Variants in MLLT10 observed in about 807,000 individuals in gnomAD.
MLLT10 encodes protein AF-10.
A neutral mutation model predicts 129.1 loss-of-function variants in MLLT10; 30 were observed. The ratio of observed to expected loss-of-function variants is 0.23; its 90% CI spans 0.17 to 0.32. The LOEUF (loss-of-function observed/expected upper bound fraction) is 0.32, where lower values mean the gene tolerates loss of function less well. Among genes scored for constraint, MLLT10 ranks in the 10% least tolerant of loss-of-function variants. The pLI is 1.00. For synonymous variants in MLLT10, 490 were observed against 446.4 expected (o/e 1.10, Z -1.23); for missense variants, 1,119 against 1,268.3 (o/e 0.88, Z 1.79).
At chr10:21,560,973 C>T (rs2038728196) in intron 3 of MLLT10, among the ~76,000 whole-genome samples, 2 of 152,040 alleles carry the variant, frequency 1.3e-5, no homozygotes, top group African/African-American at 4.8e-5. Context: ...GATCCTAGAC[C>T]CAGTATCTAA....
At position 21,592,382 on chromosome 10, in the gene MLLT10, T is replaced by C. The variant is rs11812107; in HGVS notation, c.296-2949T>C. The stretch of plus-strand genomic sequence containing the variant: ...GCTTTATTTAGTTATCTAGTTTTTC[T>C]TTTGATAACTTGCCTTTTGTCTTTA... On this transcript the variant is annotated intron_variant, in intron 4 of 22. Transcript: ENST00000307729. Among the ~76,000 whole-genome samples the C allele has an allele frequency of 8.2e-3, 1,255 of 152,286 alleles. 18 individuals are homozygous for C. The highest frequency in any genetic ancestry group is 0.029 in the African/African-American group (1,199 of 41,590).
chr10:21,539,878 G>C (rs910816511), intron 3 of MLLT10, among the ~76,000 whole-genome samples: 4 of 152,092 alleles, frequency 2.6e-5, no homozygotes, highest in Non-Finnish European at 4.4e-5. Flanking sequence ...CTGGGAGGCG[G>C]AGGTTGCAGT....
intron 3 of MLLT10, among the ~76,000 whole-genome samples, chr10:21,546,161 T>G (rs1020130190): frequency 1.3e-5 from 2 of 151,934 alleles, no homozygotes; most frequent in Admixed American, 6.6e-5. Context: ...CACTGCAACC[T>G]CTGCCTCCTG....
intron 3 of MLLT10, among the ~76,000 whole-genome samples, chr10:21,561,326 T>C (rs2038771438): frequency 1.3e-5 from 2 of 151,834 alleles, no homozygotes; most frequent in South Asian, 2.1e-4. Flanking sequence ...GGCTCTGTTC[T>C]GCCTCCTGGG....
At chr10:21,659,422 C>G (rs2049942031) in intron 9 of MLLT10, among the ~76,000 whole-genome samples, 2 of 151,468 alleles carry the variant, frequency 1.3e-5, no homozygotes, top group Non-Finnish European at 2.9e-5. Flanking sequence ...ACGTAAAAAC[C>G]AAAGGAAAAA....
chr10:21,625,470 C>T (rs1274514551), intron 8 of MLLT10: 2 of 1,019,450 alleles, frequency 2.0e-6, no homozygotes, highest in Non-Finnish European at 3.1e-6. Flanking sequence ...TATGGTTCTT[C>T]ACAGGGTCAG....
chr10:21,557,317 C>A, intron 3 of MLLT10: 1 of 398,506 alleles, frequency 2.5e-6, no homozygotes, highest in Non-Finnish European at 3.6e-6. Flanking sequence ...TTTTGTTCTT[C>A]AGTGACTCTT....
At chr10:21,682,286 G>A in intron 13 of MLLT10, 29 bp downstream of exon 13, 1 of 1,599,760 alleles carries the variant, frequency 6.3e-7, no homozygotes, top group East Asian at 2.3e-5. Context: ...TTCTCTAGTG[G>A]TTCGTTTATC....
At chr10:21,645,200 C>T (rs1437173920) in intron 8 of MLLT10, among the ~76,000 whole-genome samples, 4 of 152,322 alleles carry the variant, frequency 2.6e-5, no homozygotes, top group Non-Finnish European at 4.4e-5. Flanking sequence ...GCAATTTCTA[C>T]TATAGAATCT....
At chr10:21,610,629 T>C (rs1335259266) in intron 5 of MLLT10, among the ~76,000 whole-genome samples, 2 of 151,828 alleles carry the variant, frequency 1.3e-5, no homozygotes, top group African/African-American at 4.8e-5. Context: ...TTTTTTTTTT[T>C]TTATAAATAA....
intron 9 of MLLT10, among the ~76,000 whole-genome samples, chr10:21,668,038 A>G (rs1214244244): frequency 6.6e-6 from 1 of 152,138 alleles, no homozygotes; most frequent in Admixed American, 6.5e-5. Context: ...GTACAGCCAA[A>G]TATCTAGTTT....
At chr10:21,600,839 C>T (rs186787207) in intron 5 of MLLT10, among the ~76,000 whole-genome samples, 1 of 152,252 alleles carries the variant, frequency 6.6e-6, no homozygotes, top group East Asian at 1.9e-4. Context: ...CCCCCCTCTC[C>T]CCAACCCTAG....
intron 13 of MLLT10, among the ~76,000 whole-genome samples, chr10:21,684,272 T>C (rs1385121490): frequency 6.6e-6 from 1 of 152,234 alleles, no homozygotes; most frequent in Non-Finnish European, 1.5e-5. Flanking sequence ...GACTCTCTTA[T>C]GTACTCACTT....
At chr10:21,571,688 G>T (rs2040222011) in intron 3 of MLLT10, among the ~76,000 whole-genome samples, 1 of 152,176 alleles carries the variant, frequency 6.6e-6, no homozygotes, top group Admixed American at 6.5e-5. Context: ...ACTTTTTCAT[G>T]ATAACTGATG....
intron 7 of MLLT10, among the ~76,000 whole-genome samples, chr10:21,616,344 CTG>C (rs1210787495): frequency 1.3e-5 from 2 of 152,036 alleles, no homozygotes; most frequent in African/African-American, 4.8e-5. Flanking sequence ...GGAAAAATAT[CTG>C]TTTAATAATT....
chr10:21,634,085 C>T (rs1256018781), intron 8 of MLLT10, among the ~76,000 whole-genome samples: 2 of 152,088 alleles, frequency 1.3e-5, no homozygotes, highest in African/African-American at 4.8e-5. Flanking sequence ...ACTAAAAATA[C>T]AAAAACTAGC....
intron 3 of MLLT10, among the ~76,000 whole-genome samples, chr10:21,579,029 C>T (rs1176151543): frequency 6.6e-6 from 1 of 152,168 alleles, no homozygotes; most frequent in Non-Finnish European, 1.5e-5. Context: ...TTTAGCCTTT[C>T]TTGCAGGGCA....
At position 21,713,762 on chromosome 10, in the gene MLLT10, T is replaced by G; in HGVS notation, c.1700-10T>G. ...TAAGTTATATTTAAATAACATTTGT[T>G]TTTTTGCAGGTATTTATAACAGCAA... On this transcript the variant is annotated splice_polypyrimidine_tract_variant and intron_variant, in intron 13 of 22. Transcript: ENST00000307729. 1 of 1,601,412 alleles carries G rather than the reference T, an allele frequency of 6.2e-7. No homozygotes were observed.
chr10:21,545,813 C>G (rs2035975486), intron 3 of MLLT10, among the ~76,000 whole-genome samples: 1 of 152,266 alleles, frequency 6.6e-6, no homozygotes, highest in Admixed American at 6.5e-5. Flanking sequence ...ACTATAGGTG[C>G]ATACCACTAT....
Sources: gnomAD v4.1 joint callset for allele counts (sites outside exome capture counted in the v4.1 genomes callset) on GRCh38, gnomAD v4.1.1 for gene constraint, MANE v1.5 for transcripts, NCBI Gene and HGNC (gene_info 2026-07-23, HGNC 2026-07-21) for gene names.